Variants in FAXC observed in about 807,000 individuals in gnomAD.
The protein encoded by FAXC is failed axon connections homolog, metaxin like GST domain containing, also known as failed axon connections homolog.
Under a neutral mutation model 41.9 loss-of-function variants are expected in FAXC, and 10 were observed. The observed-to-expected ratio is 0.24, with a 90% CI of 0.15 to 0.41. The LOEUF is 0.41. Among genes scored for constraint, FAXC ranks in the 10% least tolerant of loss-of-function variants. The pLI, the probability that FAXC is intolerant of heterozygous loss-of-function variation, is 1.00. For missense variants in FAXC, 399 were observed against 510.9 expected (o/e 0.78, Z 2.11); for synonymous variants, 183 against 183.8 (o/e 1.00, Z 0.03).
At chr6:99,334,098 TA>T (rs1487673342) in intron 2 of FAXC, among the ~76,000 whole-genome samples, 1 of 152,192 alleles carries the variant, frequency 6.6e-6, no homozygotes, top group East Asian at 1.9e-4. Flanking sequence ...CTGTGCCTCT[TA>T]AAAATGCAGG....
At position 99,281,298 on chromosome 6, in the gene FAXC, T is replaced by C. The variant is rs537068681; in HGVS notation, c.1096A>G (p.Arg366Gly). 21 of 1,614,214 alleles carry C rather than the reference T, an allele frequency of 1.3e-5. No individual in the cohort carries two copies. The South Asian group carries it at 2.0e-4, about 15-fold the overall frequency. ...TPLLDFSFYS[R>G]TETFEDEGAE... ...CCCTCATCTTCAAAGGTCTCTGTCC[T>C]TGAGTAAAAGCTAAAATCCAGCAGC... The change falls in exon 6 of 6, where the codon AGG (arginine) becomes GGG (glycine). Residue 366 changes from arginine to glycine, a missense_variant. Physicochemically the swap from Arg to Gly is moderately radical, Grantham distance 125. Transcript: ENST00000389677.
chr6:99,336,339 G>A (rs1164292918), intron 2 of FAXC, among the ~76,000 whole-genome samples: 1 of 151,598 alleles, frequency 6.6e-6, no homozygotes, highest in Non-Finnish European at 1.5e-5. Context: ...AACTCCTTGT[G>A]ATCCTCCTTC....
At chr6:99,310,287 C>T (rs934008335) in intron 4 of FAXC, among the ~76,000 whole-genome samples, 1 of 152,222 alleles carries the variant, frequency 6.6e-6, no homozygotes, top group Non-Finnish European at 1.5e-5. Context: ...AATGTTCTCC[C>T]ATTTGGTGCC....
At chr6:99,344,664 G>A (rs1773534405) in intron 1 of FAXC, among the ~76,000 whole-genome samples, 1 of 152,090 alleles carries the variant, frequency 6.6e-6, no homozygotes, top group African/African-American at 2.4e-5. Flanking sequence ...GAATGTTCGA[G>A]AAGTCAGGTA....
intron 4 of FAXC, among the ~76,000 whole-genome samples, chr6:99,301,910 A>T (rs949400465): frequency 6.6e-6 from 1 of 152,224 alleles, no homozygotes; most frequent in African/African-American, 2.4e-5. Flanking sequence ...ATGTAGGTAT[A>T]TTAGTTATTG....
intron 1 of FAXC, among the ~76,000 whole-genome samples, chr6:99,345,183 C>T (rs542857585): frequency 1.3e-5 from 2 of 152,190 alleles, no homozygotes; most frequent in East Asian, 3.9e-4. Context: ...CTCGGTTAAT[C>T]GTATTAAAAC....
chr6:99,330,268 G>A (rs994436355), intron 3 of FAXC, among the ~76,000 whole-genome samples: 2 of 152,120 alleles, frequency 1.3e-5, no homozygotes, highest in African/African-American at 2.4e-5. Context: ...CATCCACAAG[G>A]GGGCAGTATG....
intron 2 of FAXC, 82 bp downstream of exon 2, chr6:99,342,816 G>A (rs1456274941): frequency 7.2e-7 from 1 of 1,382,424 alleles, no homozygotes; most frequent in Admixed American, 2.3e-5. Context: ...CACTGTGTGA[G>A]ACGAAATATT....
chr6:99,340,424 A>G (rs1028730217), intron 2 of FAXC, among the ~76,000 whole-genome samples: 3 of 152,078 alleles, frequency 2.0e-5, no homozygotes, highest in Non-Finnish European at 4.4e-5. Flanking sequence ...TATAGAAGGA[A>G]AAGAACTTTG....
chr6:99,328,149 C>T (rs1772886473), intron 3 of FAXC, among the ~76,000 whole-genome samples: 1 of 152,208 alleles, frequency 6.6e-6, no homozygotes, highest in Non-Finnish European at 1.5e-5. Flanking sequence ...GCACTGACTC[C>T]CATGCACCCC....
intron 4 of FAXC, among the ~76,000 whole-genome samples, chr6:99,315,875 T>C (rs556613806): frequency 1.3e-4 from 20 of 152,296 alleles, no homozygotes; most frequent in African/African-American, 4.8e-4. Context: ...CAACTGAAAC[T>C]GTATTTTTCT....
chr6:99,278,980 C>A lies in FAXC; in HGVS notation c.*2184G>T, dbSNP rs1366840247. Reference sequence around the variant, plus strand: ...GATAGATTGTTCATAGAAAAAAATTCAAATACATTTCTTTTCTACTAAAAT... The same window carrying A: ...GATAGATTGTTCATAGAAAAAAATTAAAATACATTTCTTTTCTACTAAAAT... On this transcript the variant is annotated 3_prime_UTR_variant, in exon 6 of 6. Transcript: ENST00000389677. The A allele has an allele frequency of 6.6e-6, 1 of 152,178 alleles. No individual in the cohort carries two copies. The highest frequency in any genetic ancestry group is 2.4e-5 in the African/African-American group (1 of 41,430). 9.4% of individuals were successfully genotyped at this position (152,178 alleles called of 1,614,324 possible).
intron 3 of FAXC, among the ~76,000 whole-genome samples, chr6:99,325,343 A>G (rs1229491789): frequency 2.6e-5 from 4 of 152,222 alleles, no homozygotes; most frequent in African/African-American, 7.2e-5. Flanking sequence ...CTTACAGCCA[A>G]TTTCAACATA....
chr6:99,329,807 T>C (rs566708559), intron 3 of FAXC, among the ~76,000 whole-genome samples: 3 of 151,562 alleles, frequency 2.0e-5, no homozygotes, highest in Non-Finnish European at 2.9e-5. Flanking sequence ...TGTAAAATTA[T>C]GGCCAACCTA....
chr6:99,338,948 G>T (rs1773317678), intron 2 of FAXC, among the ~76,000 whole-genome samples: 1 of 152,018 alleles, frequency 6.6e-6, no homozygotes, highest in African/African-American at 2.4e-5. Context: ...GCCCCAATCC[G>T]AAGTCTGGAC....
intron 4 of FAXC, among the ~76,000 whole-genome samples, chr6:99,303,518 G>C (rs1193410619): frequency 1.3e-5 from 2 of 152,212 alleles, no homozygotes; most frequent in Non-Finnish European, 2.9e-5. Context: ...ATTCTGGCCT[G>C]TCCCATACTA....
In FAXC at chr6:99,298,888, T is replaced by A. The variant is rs554919287; in HGVS notation, c.824-7068A>T. On this transcript the variant is annotated intron_variant, in intron 4 of 5. Coordinates refer to ENST00000389677, the MANE Select transcript of FAXC (RefSeq NM_032511.4). ...TTCAACCTCTCTCCAAGTGTAGGAA[T>A]CCCTTCTCACACTTTCCTACCAGAT... Among the ~76,000 whole-genome samples the A allele has an allele frequency of 2.0e-5, 3 of 152,236 alleles. No homozygotes were observed. The East Asian group carries it at 5.8e-4, about 29-fold the overall frequency.
rs780614725 is a variant in FAXC at position 99,349,281 on chromosome 6, C to A, written c.92G>T (p.Gly31Val). 1 of 1,613,378 alleles carries A rather than the reference C, an allele frequency of 6.2e-7. No homozygotes were observed. Among genetic ancestry groups the A allele is most frequent in the African/African-American group, 1.3e-5 (1 of 74,944 alleles). Residue 31 changes from glycine (G) to valine (V), a missense_variant, in exon 1 of 6, where the codon GGG (glycine) becomes GTG (valine). This residue lies in a region of FAXC where 68 missense variants were observed against 63.4 expected (regional missense o/e 1.07). Coordinates refer to ENST00000389677, the MANE Select transcript of FAXC (RefSeq NM_032511.4). ...ATAAAAGGAGAAGGGCTCCTCGGACCCGGCCCACCAGCCGAAGAAGGAGAT... is the reference window on the plus strand; with the variant it reads ...ATAAAAGGAGAAGGGCTCCTCGGACACGGCCCACCAGCCGAAGAAGGAGAT... ...QSISFFGWWA[G>V]SEEPFSFYGD...
intron 1 of FAXC, among the ~76,000 whole-genome samples, chr6:99,348,668 C>T (rs1228464453): frequency 6.6e-6 from 1 of 152,202 alleles, no homozygotes; most frequent in Non-Finnish European, 1.5e-5. Flanking sequence ...ATTTTTCAGT[C>T]TTTTGATGTT....
Sources: allele counts gnomAD v4.1 joint callset (sites outside exome capture counted in the v4.1 genomes callset), GRCh38; gene constraint gnomAD v4.1.1; regional missense constraint gnomAD v4.1.1; transcripts MANE v1.5; gene names NCBI Gene and HGNC (gene_info 2026-07-23, HGNC 2026-07-21).